The following MBD5 variants were observed in gnomAD, a reference collection of about 807,000 sequenced individuals.
MBD5 encodes methyl-CpG-binding domain protein 5.
A neutral mutation model predicts 117.3 loss-of-function variants in MBD5; 13 were observed. That is an observed-to-expected ratio of 0.11 (90% CI 0.07 to 0.18). MBD5 has a LOEUF of 0.18. Among genes scored for constraint, MBD5 ranks in the 10% least tolerant of loss-of-function variants. MBD5 has a pLI of 1.00. For missense variants in MBD5, 1,879 were observed against 2,093.8 expected (o/e 0.90, Z 2.00); for synonymous variants, 727 against 766.4 (o/e 0.95, Z 0.85).
intron 1 of MBD5, among the ~76,000 whole-genome samples, chr2:148,148,524 G>A (rs1697535299): frequency 6.6e-6 from 1 of 152,168 alleles, no homozygotes; most frequent in South Asian, 2.1e-4. Flanking sequence ...GACAATGTTT[G>A]CCAGTGTTAT....
At chr2:148,229,258 C>A (rs1403778191) in intron 2 of MBD5, among the ~76,000 whole-genome samples, 1 of 151,686 alleles carries the variant, frequency 6.6e-6, no homozygotes, top group African/African-American at 2.4e-5. Context: ...TCAGCTTGAT[C>A]ACACCTGCTA....
chr2:148,294,578 C>G (rs1168991754), intron 3 of MBD5, among the ~76,000 whole-genome samples: 1 of 146,796 alleles, frequency 6.8e-6, no homozygotes, highest in Non-Finnish European at 1.5e-5. Context: ...TCTCAGCTCA[C>G]TGCAACCTCC....
At chr2:148,418,033 T>C (rs1705477948) in intron 4 of MBD5, among the ~76,000 whole-genome samples, 1 of 151,976 alleles carries the variant, frequency 6.6e-6, no homozygotes, top group Non-Finnish European at 1.5e-5. Context: ...GAAGACGGGG[T>C]TTCACCATGT....
chr2:148,272,907 A>G (rs1406772044), intron 3 of MBD5, among the ~76,000 whole-genome samples: 1 of 152,176 alleles, frequency 6.6e-6, no homozygotes. Context: ...AGAAATTGCT[A>G]AGGTGCAAGT....
chr2:148,104,355 C>T (rs1179661784), intron 1 of MBD5, among the ~76,000 whole-genome samples: 1 of 152,068 alleles, frequency 6.6e-6, no homozygotes, highest in Non-Finnish European at 1.5e-5. Flanking sequence ...TTGTGAAGCA[C>T]AAATTCATAG....
At chr2:148,201,756 A>G (rs1430776355) in intron 2 of MBD5, among the ~76,000 whole-genome samples, 1 of 152,094 alleles carries the variant, frequency 6.6e-6, no homozygotes, top group Non-Finnish European at 1.5e-5. Context: ...CCCCACCTGA[A>G]GTTGGGTGGT....
At chr2:148,272,237 T>C (rs1016034823) in intron 3 of MBD5, among the ~76,000 whole-genome samples, 5 of 152,228 alleles carry the variant, frequency 3.3e-5, no homozygotes, top group African/African-American at 1.2e-4. Context: ...AGTTGTATAA[T>C]GCTACAGTGA....
intron 3 of MBD5, among the ~76,000 whole-genome samples, chr2:148,339,761 A>G (rs1702890175): frequency 6.6e-6 from 1 of 152,160 alleles, no homozygotes; most frequent in African/African-American, 2.4e-5. Context: ...ATAAATAAAT[A>G]AATAAATTTA....
intron 3 of MBD5, chr2:148,244,026 C>T (rs770404681): frequency 8.6e-5 from 13 of 150,338 alleles, no homozygotes; most frequent in Admixed American, 6.0e-4. Context: ...AAAGAATGGG[C>T]GAATATTCTC....
chr2:148,169,928 C>T (rs1053091899), intron 1 of MBD5, among the ~76,000 whole-genome samples: 4 of 149,328 alleles, frequency 2.7e-5, no homozygotes, highest in Non-Finnish European at 5.9e-5. Context: ...GACGGAGTCT[C>T]GCTCTGTAGC....
chr2:148,385,721 CAAT>C (rs1443632606), intron 4 of MBD5, among the ~76,000 whole-genome samples: 1 of 151,106 alleles, frequency 6.6e-6, no homozygotes, highest in Non-Finnish European at 1.5e-5. Context: ...AAATGTCCAA[CAAT>C]GATAGACTGG....
intron 3 of MBD5, among the ~76,000 whole-genome samples, chr2:148,330,054 AC>A (rs1559026411): frequency 6.1e-5 from 1 of 16,438 alleles, no homozygotes; most frequent in Non-Finnish European, 1.1e-4. Flanking sequence ...CCCCCCCCAC[AC>A]ACACACACAC....
chr2:148,240,205 G>A (rs1361686090), intron 3 of MBD5, among the ~76,000 whole-genome samples: 1 of 152,096 alleles, frequency 6.6e-6, no homozygotes, highest in African/African-American at 2.4e-5. Flanking sequence ...CTCACAGGTG[G>A]GAATTGAACA....
chr2:148,298,924 C>T (rs1701717930), intron 3 of MBD5, among the ~76,000 whole-genome samples: 1 of 152,078 alleles, frequency 6.6e-6, no homozygotes, highest in Non-Finnish European at 1.5e-5. Context: ...TGGGTTACAG[C>T]CAATCTCAGT....
chr2:148,088,120 G>A (rs1383537848), intron 1 of MBD5, among the ~76,000 whole-genome samples: 3 of 151,902 alleles, frequency 2.0e-5, no homozygotes, highest in African/African-American at 4.8e-5. Flanking sequence ...AACTTCACAC[G>A]TTGAAGACAA....
At chr2:148,143,260 A>T (rs886218169) in intron 1 of MBD5, among the ~76,000 whole-genome samples, 1 of 152,184 alleles carries the variant, frequency 6.6e-6, no homozygotes, top group African/African-American at 2.4e-5. Context: ...GCAATTTCCA[A>T]GAATGTATTG....
At chr2:148,257,736 A>G (rs1240102879) in intron 3 of MBD5, among the ~76,000 whole-genome samples, 3 of 152,210 alleles carry the variant, frequency 2.0e-5, no homozygotes, top group Non-Finnish European at 1.5e-5. Context: ...GACTATGCAT[A>G]TAGCCCTGCA....
At position 148,445,270 on chromosome 2, in the gene MBD5, A is replaced by C. The variant is rs1706455174; in HGVS notation, c.-556-12933A>C. ...TCATTTACATTAGGTGTATCTCCTA[A>C]TGCTATCCCTCCCCGCTCCCCCCAC... On this transcript the variant is annotated intron_variant, in intron 4 of 13. Transcript: ENST00000642680. 3.3e-5 allele frequency among the ~76,000 whole-genome samples: 5 copies of C among 151,054 alleles called. 1 individual carries two copies. The highest frequency in any genetic ancestry group is 4.4e-5 in the Non-Finnish European group (3 of 68,010).
chr2:148,110,847 TA>T (rs1373478460), intron 1 of MBD5, among the ~76,000 whole-genome samples: 2 of 152,020 alleles, frequency 1.3e-5, no homozygotes, highest in African/African-American at 4.8e-5. Flanking sequence ...CTTTGTCTTC[TA>T]ACCCTCTTTT....
Sources: gnomAD v4.1 joint callset for allele counts (sites outside exome capture counted in the v4.1 genomes callset) on GRCh38, gnomAD v4.1.1 for gene constraint, MANE v1.5 for transcripts, NCBI Gene and HGNC (gene_info 2026-07-23, HGNC 2026-07-21) for gene names.